R3HDM1: variants seen among roughly 807,000 people sequenced by gnomAD.
R3HDM1 encodes R3H domain containing 1, also known as R3H domain-containing protein 1.
Under a neutral mutation model 141.1 loss-of-function variants are expected in R3HDM1, and 46 were observed. The ratio of observed to expected loss-of-function variants is 0.33; its 90% confidence interval spans 0.26 to 0.42. The LOEUF is 0.42. R3HDM1 is among the 10% of genes least tolerant of loss of function. The pLI, the probability that R3HDM1 is intolerant of heterozygous loss-of-function variation, is 1.00. For missense variants in R3HDM1, 1,184 were observed against 1,368.3 expected (o/e 0.87, Z 2.12); for synonymous variants, 435 against 472.9 (o/e 0.92, Z 1.04).
At chr2:135,609,211 T>C (rs1192758249) in intron 3 of R3HDM1, among the ~76,000 whole-genome samples, 3 of 152,342 alleles carry the variant, frequency 2.0e-5, no homozygotes, top group South Asian at 2.1e-4. Flanking sequence ...TAAATAATTC[T>C]ACTTGTGTTT....
intron 21 of R3HDM1, among the ~76,000 whole-genome samples, 156 bp downstream of exon 21, chr2:135,680,480 T>A (rs1341110342): frequency 6.6e-6 from 1 of 152,196 alleles, no homozygotes; most frequent in Non-Finnish European, 1.5e-5. Flanking sequence ...TTTTAACATA[T>A]TTCTTTCGGC....
At chr2:135,674,460 T>C (rs958577133) in intron 19 of R3HDM1, among the ~76,000 whole-genome samples, 1 of 152,218 alleles carries the variant, frequency 6.6e-6, no homozygotes, top group Non-Finnish European at 1.5e-5. Flanking sequence ...ATAAAAAACT[T>C]TGTGGGTAGC....
intron 7 of R3HDM1, among the ~76,000 whole-genome samples, chr2:135,628,559 A>T (rs2062287982): frequency 6.6e-6 from 1 of 152,226 alleles, no homozygotes. Context: ...TAGCTCAAAC[A>T]CAGAAAATCA....
At chr2:135,575,948 G>C (rs772030435) in intron 1 of R3HDM1, among the ~76,000 whole-genome samples, 3 of 152,134 alleles carry the variant, frequency 2.0e-5, no homozygotes, top group Admixed American at 6.5e-5. Flanking sequence ...AACTGGAAAA[G>C]AAAAACTGCT....
At chr2:135,686,918 G>T (rs1366303549) in intron 21 of R3HDM1, among the ~76,000 whole-genome samples, 1 of 152,122 alleles carries the variant, frequency 6.6e-6, no homozygotes, top group African/African-American at 2.4e-5. Flanking sequence ...GTCAAACTTG[G>T]CTGGGCGCAG....
At chr2:135,531,869 G>A (rs1426734625) in intron 1 of R3HDM1, 1 of 983,862 alleles carries the variant, frequency 1.0e-6, no homozygotes, top group South Asian at 4.7e-5. Flanking sequence ...GGCTCGCCTG[G>A]CCCGCGGCTG....
At chr2:135,593,491 G>C (rs1367856528) in intron 1 of R3HDM1, among the ~76,000 whole-genome samples, 1 of 151,978 alleles carries the variant, frequency 6.6e-6, no homozygotes, top group African/African-American at 2.4e-5. Flanking sequence ...AACCCCTTTA[G>C]AATCTCACCA....
chr2:135,567,903 CTTTTTT>C (rs562748072), intron 1 of R3HDM1, among the ~76,000 whole-genome samples: 1 of 73,820 alleles, frequency 1.4e-5, no homozygotes, highest in Non-Finnish European at 2.6e-5. Context: ...CCACACCTGG[CTTTTTT>C]TTTTTTTTTT....
intron 19 of R3HDM1, among the ~76,000 whole-genome samples, chr2:135,664,073 T>C (rs1019463359): frequency 3.3e-5 from 5 of 151,662 alleles, no homozygotes; most frequent in African/African-American, 1.2e-4. Context: ...TGTGCATTTA[T>C]GTTTGTATGT....
chr2:135,651,052 A>G (rs2065098314), intron 17 of R3HDM1: 3 of 985,418 alleles, frequency 3.0e-6, no homozygotes, highest in African/African-American at 1.7e-5. Context: ...CACATAAATC[A>G]TAACCCTTGT....
At chr2:135,549,561 C>CAAAAAAAAA (rs1236257586) in intron 1 of R3HDM1, among the ~76,000 whole-genome samples, 12 of 67,414 alleles carry the variant, frequency 1.8e-4, no homozygotes, top group African/African-American at 6.0e-4. Context: ...AACTCTGCCT[C>CAAAAAAAAA]AAAAAAAAAA....
chr2:135,607,417 C>A, intron 3 of R3HDM1: 1 of 803,782 alleles, frequency 1.2e-6, no homozygotes, highest in Non-Finnish European at 1.5e-6. Context: ...GCATTTAGGC[C>A]CCACTTATAG....
intron 19 of R3HDM1, 135 bp from the exon 20 acceptor site, chr2:135,675,197 A>C: frequency 1.2e-6 from 1 of 823,060 alleles, no homozygotes; most frequent in Non-Finnish European, 1.8e-6. Flanking sequence ...ATTTCATAAT[A>C]GATGGTTTTA....
intron 18 of R3HDM1, among the ~76,000 whole-genome samples, chr2:135,660,246 G>T (rs571517659): frequency 7.2e-5 from 11 of 152,106 alleles, no homozygotes; most frequent in Non-Finnish European, 5.9e-5. Context: ...TCAGTTTTTT[G>T]GTTTTTTTTG....
rs1489606942 is a variant in R3HDM1, at chr2:135,536,644, T to A, written c.-250+5011T>A. 6 of 919,218 alleles carry A rather than the reference T, an allele frequency of 6.5e-6. No individual in the cohort carries two copies. In the African/African-American group the frequency reaches 1.1e-4, roughly 17 times the overall value. The allele number at this position is 919,218 out of a possible 1,614,324, so 56.9% of individuals were successfully genotyped here. ...TGATCTAAGCGTTTAAAATAGTGAA[T>A]TTGACTTGTCACAACATTAGTTTGA... On this transcript the variant is annotated intron_variant, in intron 1 of 26. Transcript: ENST00000683871.
At chr2:135,535,168 C>T (rs1331254545) in intron 1 of R3HDM1, among the ~76,000 whole-genome samples, 1 of 152,092 alleles carries the variant, frequency 6.6e-6, no homozygotes, top group African/African-American at 2.4e-5. Flanking sequence ...ACCACATTTG[C>T]ATATAGGGAT....
intron 1 of R3HDM1, chr2:135,550,287 A>C (rs1699589085): frequency 1.1e-6 from 1 of 930,470 alleles, no homozygotes; most frequent in Non-Finnish European, 1.3e-6. Flanking sequence ...TTTATTTGTG[A>C]TATATGGAAA....
intron 21 of R3HDM1, among the ~76,000 whole-genome samples, chr2:135,695,598 C>T (rs1015095630): frequency 2.0e-5 from 3 of 152,116 alleles, no homozygotes; most frequent in Non-Finnish European, 4.4e-5. Flanking sequence ...TAGAGAAAAT[C>T]TTAAAAGCAG....
chr2:135,600,064 G>A (rs1320353342), intron 1 of R3HDM1, among the ~76,000 whole-genome samples: 4 of 145,146 alleles, frequency 2.8e-5, no homozygotes, highest in African/African-American at 1.0e-4. Context: ...AATTAAACTA[G>A]TGCATTAATA....
Sources: gnomAD v4.1 joint callset for allele counts (sites outside exome capture counted in the v4.1 genomes callset) on GRCh38, gnomAD v4.1.1 for gene constraint, MANE v1.5 for transcripts, NCBI Gene and HGNC (gene_info 2026-07-23, HGNC 2026-07-21) for gene names.